Variants in GSK3B observed in about 807,000 individuals in gnomAD.
GSK3B encodes the protein glycogen synthase kinase 3 beta.
A neutral mutation model predicts 56.4 loss-of-function variants in GSK3B; 15 were observed. The ratio of observed to expected loss-of-function variants is 0.27; its 90% CI spans 0.18 to 0.41. GSK3B has a LOEUF of 0.41. Among genes scored for constraint, GSK3B ranks in the 10% least tolerant of loss-of-function variants. The pLI, the probability that GSK3B is intolerant of heterozygous loss-of-function variation, is 1.00. For synonymous variants in GSK3B, 181 were observed against 188.9 expected, an observed-to-expected ratio of 0.96 and a Z score of 0.34; for missense variants, 300 against 513.4, an observed-to-expected ratio of 0.58 and a Z score of 4.02.
chr3:119,873,577 G>A (rs922518792), intron 8 of GSK3B, among the ~76,000 whole-genome samples: 5 of 152,072 alleles, frequency 3.3e-5, no homozygotes, highest in Non-Finnish European at 7.4e-5. Context: ...CTTACCCTAA[G>A]AGCATTTCTC....
intron 2 of GSK3B, among the ~76,000 whole-genome samples, chr3:119,990,426 G>A (rs1295119883): frequency 6.6e-6 from 1 of 152,192 alleles, no homozygotes; most frequent in Non-Finnish European, 1.5e-5. Flanking sequence ...AAGTGAACTT[G>A]TCTTTAACTG....
intron 1 of GSK3B, among the ~76,000 whole-genome samples, chr3:120,005,129 T>C (rs377745986): frequency 1.3e-4 from 19 of 151,870 alleles, no homozygotes; most frequent in South Asian, 2.1e-4. Flanking sequence ...TGGTGAAGCA[T>C]ACACAAGCTT....
intron 2 of GSK3B, among the ~76,000 whole-genome samples, chr3:119,953,963 A>C (rs1052524361): frequency 5.3e-5 from 8 of 152,116 alleles, no homozygotes; most frequent in African/African-American, 1.9e-4. Context: ...TACTTTTCAA[A>C]AGTAGCTTAT....
chr3:120,081,730 T>C (rs937080243), intron 1 of GSK3B, among the ~76,000 whole-genome samples: 1 of 152,170 alleles, frequency 6.6e-6, no homozygotes. Context: ...AGGACTGTGC[T>C]CCACACTGCA....
At chr3:119,868,852 G>A (rs1483365176) in intron 8 of GSK3B, among the ~76,000 whole-genome samples, 1 of 152,032 alleles carries the variant, frequency 6.6e-6, no homozygotes, top group African/African-American at 2.4e-5. Flanking sequence ...TGACTCTCAA[G>A]TAATCTATTA....
intron 3 of GSK3B, among the ~76,000 whole-genome samples, chr3:119,945,417 C>T (rs1362578246): frequency 6.6e-6 from 1 of 152,070 alleles, no homozygotes; most frequent in Non-Finnish European, 1.5e-5. Context: ...CTTCTAATTG[C>T]TCTTTATCTG....
chr3:119,939,430 A>G (rs2057026323), intron 3 of GSK3B, among the ~76,000 whole-genome samples: 1 of 152,180 alleles, frequency 6.6e-6, no homozygotes, highest in South Asian at 2.1e-4. Flanking sequence ...ATGTTATATT[A>G]GGGATGGTCA....
At chr3:119,954,222 GAGAA>G (rs2057186707) in intron 2 of GSK3B, among the ~76,000 whole-genome samples, 1 of 101,370 alleles carries the variant, frequency 9.9e-6, no homozygotes, top group African/African-American at 4.0e-5. Flanking sequence ...AGTGTGGAAG[GAGAA>G]TAGAATAGAA....
intron 2 of GSK3B, among the ~76,000 whole-genome samples, chr3:119,952,861 G>A (rs1208266130): frequency 6.6e-6 from 1 of 151,916 alleles, no homozygotes; most frequent in African/African-American, 2.4e-5. Flanking sequence ...AGTACCTTGA[G>A]CTAAAAGAAA....
intron 7 of GSK3B, among the ~76,000 whole-genome samples, chr3:119,887,491 T>C (rs1351696457): frequency 6.6e-6 from 1 of 151,812 alleles, no homozygotes; most frequent in Non-Finnish European, 1.5e-5. Flanking sequence ...AGTTAAAAAA[T>C]ACAGTATGTG....
intron 1 of GSK3B, among the ~76,000 whole-genome samples, chr3:120,051,674 C>T (rs572541662): frequency 1.3e-4 from 20 of 150,364 alleles, no homozygotes; most frequent in African/African-American, 3.7e-4. Flanking sequence ...GGCTGAGGCA[C>T]GAGAATCACT....
chr3:119,953,372 G>C (rs773284007), intron 2 of GSK3B, among the ~76,000 whole-genome samples: 5 of 152,136 alleles, frequency 3.3e-5, no homozygotes, highest in African/African-American at 4.8e-5. Context: ...ATGTGAAAGA[G>C]CTAAGCATAC....
chr3:120,018,126 T>C (rs2057842638), intron 1 of GSK3B, among the ~76,000 whole-genome samples: 1 of 152,094 alleles, frequency 6.6e-6, no homozygotes, highest in Non-Finnish European at 1.5e-5. Context: ...GTTAGACCCA[T>C]TATCTCATTT....
In GSK3B at chr3:119,901,336, A is replaced by G. The variant is rs79646574; in HGVS notation, c.813+4419T>C. On this transcript the variant is annotated intron_variant, in intron 7 of 10. Transcript: ENST00000264235. Reference sequence around the variant, plus strand: ...TTGATATGTAGAGGTCAAATGGCATAATGAAATGCTGATCTGACAATTCTA... The same window carrying G: ...TTGATATGTAGAGGTCAAATGGCATGATGAAATGCTGATCTGACAATTCTA... Among the ~76,000 whole-genome samples the G allele has an allele frequency of 4.6e-3, 696 of 152,288 alleles. 25 individuals are homozygous for G. In the East Asian group the frequency reaches 0.1, roughly 22 times the overall value.
chr3:120,086,852 T>C (rs2058467570), intron 1 of GSK3B, among the ~76,000 whole-genome samples: 2 of 152,056 alleles, frequency 1.3e-5, no homozygotes, highest in Admixed American at 1.3e-4. Flanking sequence ...ATTATCAGAA[T>C]GATTTACCCT....
At chr3:119,850,246 A>G (rs1165459515) in intron 9 of GSK3B, among the ~76,000 whole-genome samples, 1 of 152,094 alleles carries the variant, frequency 6.6e-6, no homozygotes, top group African/African-American at 2.4e-5. Context: ...CCAAGATGTG[A>G]AGGGGGGTAC....
At chr3:119,995,920 T>TAG (rs2057612626) in intron 2 of GSK3B, among the ~76,000 whole-genome samples, 1 of 151,940 alleles carries the variant, frequency 6.6e-6, no homozygotes, top group Non-Finnish European at 1.5e-5. Flanking sequence ...GTATTTTTAG[T>TAG]AGAGACGGGA....
At chr3:119,923,921 G>A (rs1338008791) in intron 3 of GSK3B, among the ~76,000 whole-genome samples, 2 of 152,160 alleles carry the variant, frequency 1.3e-5, no homozygotes, top group African/African-American at 4.8e-5. Flanking sequence ...GTGTGTGCAA[G>A]TCACTTGCAT....
At chr3:120,021,221 A>G (rs115625191) in intron 1 of GSK3B, among the ~76,000 whole-genome samples, 2,447 of 152,082 alleles carry the variant, frequency 0.016, 65 homozygotes, top group African/African-American at 0.056. Flanking sequence ...AATATTCATG[A>G]TTCAGCGGGT....
Sources: allele counts gnomAD v4.1 joint callset (sites outside exome capture counted in the v4.1 genomes callset), GRCh38; gene constraint gnomAD v4.1.1; transcripts MANE v1.5; gene names NCBI Gene and HGNC (gene_info 2026-07-23, HGNC 2026-07-21).